STAG1: variants seen among roughly 807,000 people sequenced by gnomAD.
STAG1 encodes the protein STAG1 cohesin complex component.
Under a neutral mutation model 170.9 loss-of-function variants are expected in STAG1, and 26 were observed. The observed-to-expected ratio is 0.15, with a 90% CI of 0.11 to 0.21. The LOEUF is 0.21. STAG1 is among the 10% of genes least tolerant of loss of function. The probability of loss-of-function intolerance (pLI) is 1.00; values close to 1 mark genes in which losing one functional copy is unlikely to be tolerated. For missense variants in STAG1, 964 were observed against 1,509.5 expected (o/e 0.64, Z 5.99); for synonymous variants, 514 against 497.7 (o/e 1.03, Z -0.44).
At chr3:136,576,913 A>G (rs1051357097) in intron 4 of STAG1, among the ~76,000 whole-genome samples, 4 of 152,084 alleles carry the variant, frequency 2.6e-5, no homozygotes, top group Non-Finnish European at 5.9e-5. Flanking sequence ...GGAGAAAGAT[A>G]GATTCGTTTG....
chr3:136,657,010 C>G (rs1013074964), intron 1 of STAG1, among the ~76,000 whole-genome samples: 2 of 140,264 alleles, frequency 1.4e-5, no homozygotes, highest in Non-Finnish European at 3.1e-5. Flanking sequence ...TTATAATAGC[C>G]AAAAAAAAAA....
chr3:136,613,971 T>C (rs1292612436), intron 3 of STAG1, among the ~76,000 whole-genome samples: 1 of 151,920 alleles, frequency 6.6e-6, no homozygotes, highest in Non-Finnish European at 1.5e-5. Flanking sequence ...TCCCAGCACT[T>C]TGGGAGGCTG....
chr3:136,632,151 T>C (rs541831902), intron 1 of STAG1, among the ~76,000 whole-genome samples: 1 of 152,270 alleles, frequency 6.6e-6, no homozygotes, highest in South Asian at 2.1e-4. Flanking sequence ...CTGAATTACA[T>C]ACCAAGTGAT....
At chr3:136,571,482 T>C (rs1937264177) in intron 4 of STAG1, among the ~76,000 whole-genome samples, 1 of 151,994 alleles carries the variant, frequency 6.6e-6, no homozygotes, top group African/African-American at 2.4e-5. Flanking sequence ...GATAAGAGGA[T>C]CACTTGAGCC....
intron 19 of STAG1, among the ~76,000 whole-genome samples, chr3:136,421,660 A>G (rs1443959890): frequency 6.6e-6 from 1 of 152,168 alleles, no homozygotes; most frequent in African/African-American, 2.4e-5. Context: ...AAAGAGGAAG[A>G]AGTCACAGAA....
At chr3:136,587,033 G>T (rs1937865700) in intron 4 of STAG1, 1 of 365,314 alleles carries the variant, frequency 2.7e-6, no homozygotes, top group Admixed American at 3.6e-5. Context: ...ACATAAATGA[G>T]AAATTGTCTA....
intron 1 of STAG1, among the ~76,000 whole-genome samples, chr3:136,723,788 G>T (rs1436871361): frequency 6.9e-6 from 1 of 145,280 alleles, no homozygotes; most frequent in Non-Finnish European, 1.5e-5. Flanking sequence ...GAGGTGGGGG[G>T]GTCAGCCCCC....
intron 24 of STAG1, among the ~76,000 whole-genome samples, chr3:136,367,973 T>C (rs1400341336): frequency 6.6e-6 from 1 of 152,162 alleles, no homozygotes; most frequent in African/African-American, 2.4e-5. Context: ...CCTGTCCTTA[T>C]TTGGAATCAA....
At chr3:136,594,275 C>T (rs1007350059) in intron 4 of STAG1, among the ~76,000 whole-genome samples, 5 of 152,118 alleles carry the variant, frequency 3.3e-5, no homozygotes, top group East Asian at 1.9e-4. Flanking sequence ...TGATACGAAG[C>T]GATTTGGCAT....
chr3:136,703,066 CAAAAAAA>C (rs1157305676), intron 1 of STAG1, among the ~76,000 whole-genome samples: 8 of 75,734 alleles, frequency 1.1e-4, no homozygotes, highest in Admixed American at 3.3e-4. Flanking sequence ...GACTCCATCT[CAAAAAAA>C]AAAAAAAAAA....
At chr3:136,512,835 C>A (rs1358411554) in intron 7 of STAG1, among the ~76,000 whole-genome samples, 2 of 152,012 alleles carry the variant, frequency 1.3e-5, no homozygotes, top group Admixed American at 6.5e-5. Context: ...GGTGAACACA[C>A]ACACCCCTCT....
chr3:136,729,570 CTTTTTTTTTTTTT>C (rs34078029), intron 1 of STAG1, among the ~76,000 whole-genome samples: 6 of 94,668 alleles, frequency 6.3e-5, no homozygotes, highest in African/African-American at 1.9e-4. Context: ...TGTAGTTTTC[CTTTTTTTTTTTTT>C]TTTTTTTTTG....
chr3:136,617,297 T>C lies in STAG1; in HGVS notation c.132+5849A>G, dbSNP rs567359656. Among the ~76,000 whole-genome samples, 9 of 152,282 alleles carry C rather than the reference T, an allele frequency of 5.9e-5. No homozygotes were observed. In the South Asian group the frequency reaches 1.9e-3, roughly 32 times the overall value. On this transcript the variant is annotated intron_variant, in intron 3 of 33. Coordinates refer to ENST00000383202, the MANE Select transcript of STAG1 (RefSeq NM_005862.3). ...GAGGCCCTTCCTCAAGCTCTGGTCT[T>C]AATGGAGGTACAAGGGAGACATCTA...
At chr3:136,584,080 A>C (rs971224101) in intron 4 of STAG1, among the ~76,000 whole-genome samples, 3 of 152,194 alleles carry the variant, frequency 2.0e-5, no homozygotes, top group African/African-American at 7.2e-5. Context: ...AAGCCAATAA[A>C]ACTTTTTAAA....
rs1934657137 is a variant in STAG1, at chr3:136,521,268, C to G, written c.621G>C (p.Leu207Phe). The G allele has an allele frequency of 6.2e-7, 1 of 1,613,652 alleles. No individual in the cohort carries two copies. The highest frequency in any genetic ancestry group is 1.7e-5 in the Admixed American group (1 of 59,948). The part of the protein sequence containing the change: ...EYMMDTVISL[L>F]TGLSDSQVRA... ...TGACCTGGGAGTCTGACAAACCCGT[C>G]AAAAGGGAGATTACTGTGTCCATCA... Residue 207 changes from leucine to phenylalanine, a missense_variant, in exon 7 of 34, where the codon TTG becomes TTC. Leu to Phe is a conservative substitution (Grantham distance 22). Coordinates refer to ENST00000383202, the MANE Select transcript of STAG1 (RefSeq NM_005862.3).
chr3:136,594,068 T>C (rs1938309910), intron 4 of STAG1, among the ~76,000 whole-genome samples: 1 of 152,220 alleles, frequency 6.6e-6, no homozygotes, highest in African/African-American at 2.4e-5. Flanking sequence ...ATTAGAAAAT[T>C]ATTAAAACAC....
intron 3 of STAG1, among the ~76,000 whole-genome samples, chr3:136,606,251 C>T (rs901841587): frequency 2.0e-5 from 3 of 151,428 alleles, no homozygotes; most frequent in South Asian, 2.1e-4. Context: ...TGCAGTGACA[C>T]AATCTCGACT....
chr3:136,410,531 T>C (rs1023804231), intron 21 of STAG1, among the ~76,000 whole-genome samples: 3 of 152,142 alleles, frequency 2.0e-5, no homozygotes, highest in Non-Finnish European at 4.4e-5. Flanking sequence ...ATTAAAAAAC[T>C]TGGATTTGAG....
intron 6 of STAG1, among the ~76,000 whole-genome samples, chr3:136,524,387 C>T (rs1934876773): frequency 6.6e-6 from 1 of 151,894 alleles, no homozygotes; most frequent in Admixed American, 6.5e-5. Flanking sequence ...CATGATTTGG[C>T]TCTCTGTTTG....
Sources: allele counts gnomAD v4.1 joint callset (sites outside exome capture counted in the v4.1 genomes callset), GRCh38; gene constraint gnomAD v4.1.1; transcripts MANE v1.5; gene names NCBI Gene and HGNC (gene_info 2026-07-23, HGNC 2026-07-21).